Variants in SUPT20H observed in about 807,000 individuals in gnomAD.
The protein encoded by SUPT20H is SPT20 homolog, SAGA complex component.
Under a neutral mutation model 122.8 loss-of-function variants are expected in SUPT20H, and 82 were observed. That is an observed-to-expected ratio of 0.67 (90% CI 0.56 to 0.80). The LOEUF is 0.80. SUPT20H is among the 30% of genes least tolerant of loss of function. The pLI, the probability that SUPT20H is intolerant of heterozygous loss-of-function variation, is 0.00. For synonymous variants in SUPT20H, 291 were observed against 313.0 expected (o/e 0.93, Z 0.74); for missense variants, 831 against 921.6 (o/e 0.90, Z 1.27).
At chr13:37,013,504 G>A (rs552329515) in intron 23 of SUPT20H, 51 of 151,700 alleles carry the variant, frequency 3.4e-4, no homozygotes, top group African/African-American at 1.2e-3. Flanking sequence ...ATGGATCATG[G>A]ATTCAAAATA....
At position 37,044,037 on chromosome 13, in the gene SUPT20H, A is replaced by G. The variant is rs1214245701; in HGVS notation, c.396+41T>C. The stretch of plus-strand genomic sequence containing the variant: ...TGTGACATATATATATCATATACAT[A>G]TAACAAATATAAAGACATTTTAAAG... On this transcript the variant is annotated intron_variant, in intron 7 of 25. Coordinates refer to ENST00000350612, the MANE Select transcript of SUPT20H (RefSeq NM_001014286.3). 4 of 1,309,830 alleles carry G rather than the reference A, an allele frequency of 3.1e-6. No homozygotes were observed. The Admixed American group carries it at 5.3e-5, about 17-fold the overall frequency. The allele number at this position is 1,309,830 out of a possible 1,614,324, so 81.1% of individuals were successfully genotyped here. A position where few individuals can be genotyped will look rare whatever the true frequency, so the allele number is the denominator to read the frequency against.
At chr13:37,030,893 C>CT (rs1244845768) in intron 12 of SUPT20H, among the ~76,000 whole-genome samples, 3 of 151,886 alleles carry the variant, frequency 2.0e-5, no homozygotes, top group Admixed American at 6.6e-5. Context: ...TGCGTAATTT[C>CT]TTTTTTTTAA....
intron 9 of SUPT20H, 114 bp downstream of exon 9, chr13:37,040,291 A>C: frequency 1.1e-6 from 1 of 928,196 alleles, no homozygotes; most frequent in Non-Finnish European, 1.6e-6. Context: ...TTTTCACATA[A>C]AGCATCAAAC....
chr13:37,049,463 G>A (rs1379425577), intron 2 of SUPT20H, among the ~76,000 whole-genome samples: 1 of 152,148 alleles, frequency 6.6e-6, no homozygotes, highest in Non-Finnish European at 1.5e-5. Flanking sequence ...AACATGGCCA[G>A]GCATGGTGGC....
At chr13:37,058,413 G>A (rs2069727549) in intron 1 of SUPT20H, among the ~76,000 whole-genome samples, 1 of 152,116 alleles carries the variant, frequency 6.6e-6, no homozygotes. Context: ...TTAGGTGAAC[G>A]TGAAAATTTT....
intron 7 of SUPT20H, among the ~76,000 whole-genome samples, chr13:37,041,860 T>C (rs1260999199): frequency 6.6e-6 from 1 of 152,200 alleles, no homozygotes; most frequent in African/African-American, 2.4e-5. Context: ...TAGTGATGAA[T>C]TCTATAAAGG....
At chr13:37,041,202 G>A (rs950244478) in intron 7 of SUPT20H, among the ~76,000 whole-genome samples, 1 of 152,164 alleles carries the variant, frequency 6.6e-6, no homozygotes, top group Admixed American at 6.5e-5. Context: ...TAAGAGGGAA[G>A]CTAAATATAA....
rs941404762 is a variant in SUPT20H at position 37,047,316 on chromosome 13, T to C, written c.165+219A>G. ...ATGACTTCCTAGTGAGACAGTCTGA[T>C]ACTCAATATAACTGTTCCTTCACTC... On this transcript the variant is annotated intron_variant, in intron 5 of 25. Transcript: ENST00000350612. 8.7e-6 allele frequency: 3 copies of C among 345,788 alleles called. No homozygotes were observed. The Admixed American group carries it at 1.6e-4, about 19-fold the overall frequency. 21.4% of individuals were successfully genotyped at this position (345,788 alleles called of 1,614,324 possible).
intron 12 of SUPT20H, 152 bp from the exon 13 acceptor site, chr13:37,029,988 T>C: frequency 3.5e-6 from 2 of 571,240 alleles, no homozygotes; most frequent in Non-Finnish European, 5.7e-6. Flanking sequence ...TATCAACTAC[T>C]TATGCTTAAG....
chr13:37,028,357 T>A, intron 13 of SUPT20H, 52 bp from the exon 14 acceptor site: 2 of 1,510,094 alleles, frequency 1.3e-6, no homozygotes, highest in East Asian at 2.3e-5. Flanking sequence ...AGGCAGGCAA[T>A]AAGAATTAGT....
chr13:37,057,168 G>A (rs1478823000), intron 1 of SUPT20H: 1 of 152,078 alleles, frequency 6.6e-6, no homozygotes, highest in Non-Finnish European at 1.5e-5. Context: ...CCAGCATGGT[G>A]GCACAGGTCC....
intron 12 of SUPT20H, among the ~76,000 whole-genome samples, chr13:37,031,018 A>G (rs577150074): frequency 6.6e-6 from 1 of 152,204 alleles, no homozygotes; most frequent in Non-Finnish European, 1.5e-5. Context: ...AAAGAAAAAC[A>G]TAGGATCACT....
At chr13:37,055,259 A>G (rs2068679440) in intron 1 of SUPT20H, among the ~76,000 whole-genome samples, 1 of 152,114 alleles carries the variant, frequency 6.6e-6, no homozygotes, top group Non-Finnish European at 1.5e-5. Context: ...CAGAATTGGA[A>G]AAAACTACTT....
Position 37,010,550 on chromosome 13 carries a change from ACTTGTATCTGTTG to A in SUPT20H, c.2191_2202+1del. 1.2e-6 allele frequency: 2 copies of A among 1,613,126 alleles called. No individual in the cohort carries two copies. Among genetic ancestry groups the A allele is most frequent in the Non-Finnish European group, 1.7e-6 (2 of 1,179,260 alleles). On this transcript the variant is annotated splice_donor_variant and coding_sequence_variant, in exon 25 of 26. Coordinates refer to ENST00000350612, the MANE Select transcript of SUPT20H (RefSeq NM_001014286.3). LOFTEE classifies it high-confidence loss of function. ...GTAATCAGAGTGAAGTTGCTGGATT[ACTTGTATCTGTTG>A]CTGCTGCTGTTGAAAGGCAGAGGAG...
intron 2 of SUPT20H, among the ~76,000 whole-genome samples, chr13:37,050,316 C>G (rs1384267324): frequency 7.0e-6 from 1 of 143,424 alleles, no homozygotes; most frequent in East Asian, 2.0e-4. Context: ...TCAAGACCAG[C>G]CTGGACAATA....
chr13:37,011,398 G>T (rs2059602027), intron 24 of SUPT20H, among the ~76,000 whole-genome samples: 1 of 152,056 alleles, frequency 6.6e-6, no homozygotes, highest in Non-Finnish European at 1.5e-5. Flanking sequence ...CTCTAAATTG[G>T]AACTTTATAT....
intron 9 of SUPT20H, among the ~76,000 whole-genome samples, chr13:37,035,525 T>C (rs895215532): frequency 5.7e-4 from 79 of 139,164 alleles, no homozygotes; most frequent in African/African-American, 2.2e-3. Flanking sequence ...ATATACAGTG[T>C]TTTTTTTTTT....
intron 2 of SUPT20H, among the ~76,000 whole-genome samples, chr13:37,049,712 C>A (rs1289139383): frequency 6.6e-6 from 1 of 152,186 alleles, no homozygotes; most frequent in South Asian, 2.1e-4. Context: ...GTACTACAGT[C>A]TGGGCAAAAA....
In SUPT20H at chr13:37,033,448, C is replaced by T. The variant is rs146443873; in HGVS notation, c.707+1G>A. 6 of 1,608,502 alleles carry T rather than the reference C, an allele frequency of 3.7e-6. No individual in the cohort carries two copies. The highest frequency in any genetic ancestry group is 4.2e-6 in the Non-Finnish European group (5 of 1,177,536). ...GTTCACCCTTCCACAAAGGCAATTACCGTTTCATTGGGCGAGTGTTCATCT... is the reference window on the plus strand; with the variant it reads ...GTTCACCCTTCCACAAAGGCAATTATCGTTTCATTGGGCGAGTGTTCATCT... On this transcript the variant is annotated splice_donor_variant, in intron 10 of 25. Transcript: ENST00000350612. LOFTEE classifies it high-confidence loss of function.
Sources: allele counts gnomAD v4.1 joint callset (sites outside exome capture counted in the v4.1 genomes callset), GRCh38; gene constraint gnomAD v4.1.1; transcripts MANE v1.5; gene names NCBI Gene and HGNC (gene_info 2026-07-23, HGNC 2026-07-21).